Variants in HMCN1 observed in about 807,000 individuals in gnomAD.
HMCN1 encodes hemicentin 1.
Under a neutral mutation model 625.9 loss-of-function variants are expected in HMCN1, and 321 were observed. That is an observed-to-expected ratio of 0.51 (90% CI 0.47 to 0.56). The LOEUF (loss-of-function observed/expected upper bound fraction) is 0.56, where lower values mean the gene tolerates loss of function less well. Ranked by LOEUF, HMCN1 falls within the 20% of genes least tolerant of loss-of-function variation. HMCN1 has a pLI of 0.00. For synonymous variants in HMCN1, 2,425 were observed against 2,417.6 expected, an observed-to-expected ratio of 1.00 and a Z score of -0.09; for missense variants, 6,588 against 6,887.3, an observed-to-expected ratio of 0.96 and a Z score of 1.54.
chr1:185,909,169 A>C (rs16824729), intron 4 of HMCN1, among the ~76,000 whole-genome samples, 168 bp from the exon 5 acceptor site: 1 of 152,166 alleles, frequency 6.6e-6, no homozygotes, highest in South Asian at 2.1e-4. Flanking sequence ...TTGAATGTAC[A>C]CTAACCAGAA....
At chr1:185,811,956 A>G (rs1371298542) in intron 1 of HMCN1, among the ~76,000 whole-genome samples, 2 of 152,210 alleles carry the variant, frequency 1.3e-5, no homozygotes, top group African/African-American at 2.4e-5. Context: ...TTATGATGTT[A>G]TAGAAAACTG....
At chr1:186,130,416 T>G (rs1661869288) in intron 84 of HMCN1, 91 bp from the exon 85 acceptor site, 2 of 1,336,286 alleles carry the variant, frequency 1.5e-6, no homozygotes, top group South Asian at 2.4e-5. Context: ...ACTCCCCTCT[T>G]TACTAAATTA....
intron 68 of HMCN1, among the ~76,000 whole-genome samples, chr1:186,095,761 T>C (rs570930294): frequency 2.9e-4 from 44 of 152,302 alleles, no homozygotes; most frequent in African/African-American, 1.0e-3. Flanking sequence ...ACATTACTCA[T>C]TGATAAAACC....
chr1:185,820,284 A>G (rs76632730), intron 1 of HMCN1, among the ~76,000 whole-genome samples: 4,157 of 152,242 alleles, frequency 0.027, 168 homozygotes, highest in African/African-American at 0.09. Flanking sequence ...GGACCACTTC[A>G]CTGAAGGATA....
At chr1:186,076,298 G>A in intron 53 of HMCN1, 130 bp from the exon 54 acceptor site, 1 of 908,932 alleles carries the variant, frequency 1.1e-6, no homozygotes, top group Admixed American at 2.0e-5. Flanking sequence ...GTTGGTGGTG[G>A]CGTCAGTACT....
chr1:186,163,332 C>G (rs1046783721), intron 97 of HMCN1, among the ~76,000 whole-genome samples: 6 of 152,208 alleles, frequency 3.9e-5, no homozygotes, highest in Non-Finnish European at 5.9e-5. Flanking sequence ...TGACTAGGAA[C>G]GGGAACTCCC....
chr1:185,809,488 T>C (rs1283920351), intron 1 of HMCN1, among the ~76,000 whole-genome samples: 2 of 151,700 alleles, frequency 1.3e-5, no homozygotes, highest in Non-Finnish European at 2.9e-5. Context: ...TACATATATA[T>C]ATCACTAGAA....
At position 185,736,977 on chromosome 1, in the gene HMCN1, C is replaced by G. The variant is rs74133273; in HGVS notation, c.268+1930C>G. On this transcript the variant is annotated intron_variant, in intron 1 of 106. Coordinates refer to ENST00000271588, the MANE Select transcript of HMCN1 (RefSeq NM_031935.3). ...AGAAGTGGCCAAATATTCATGTTAT[C>G]TAAAGCTATTTAAAATATTTTTGAA... Among the ~76,000 whole-genome samples, 1,340 of 152,134 alleles carry G rather than the reference C, an allele frequency of 8.8e-3. 19 individuals are homozygous for G. Among genetic ancestry groups the G allele is most frequent in the African/African-American group, 0.029 (1,206 of 41,484 alleles).
chr1:186,061,715 G>A (rs1187060604), intron 46 of HMCN1, 136 bp from the exon 47 acceptor site: 1 of 489,768 alleles, frequency 2.0e-6, no homozygotes, highest in African/African-American at 1.9e-5. Context: ...TTTTAAAAAA[G>A]CTTAACATAA....
intron 34 of HMCN1, among the ~76,000 whole-genome samples, chr1:186,018,817 A>T (rs1571724875): frequency 2.0e-5 from 3 of 152,154 alleles, no homozygotes; most frequent in African/African-American, 7.2e-5. Context: ...GAGGGACATA[A>T]GTACATTCAC....
chr1:186,132,894 T>C (rs1399655299), intron 86 of HMCN1, among the ~76,000 whole-genome samples: 1 of 152,080 alleles, frequency 6.6e-6, no homozygotes, highest in African/African-American at 2.4e-5. Context: ...ATGCGGTGTT[T>C]GGGTTTTCCT....
chr1:186,001,825 GAA>G (rs1653223366), intron 28 of HMCN1, 84 bp downstream of exon 28: 1 of 1,136,112 alleles, frequency 8.8e-7, no homozygotes, highest in East Asian at 2.5e-5. Context: ...AAAGTAAAGA[GAA>G]AAAGATAAAT....
intron 11 of HMCN1, among the ~76,000 whole-genome samples, chr1:185,946,821 G>C (rs1360987746): frequency 2.0e-5 from 3 of 152,104 alleles, no homozygotes; most frequent in Non-Finnish European, 4.4e-5. Flanking sequence ...ACTGAAAATG[G>C]ATAATAAGGA....
intron 1 of HMCN1, among the ~76,000 whole-genome samples, chr1:185,755,116 C>G (rs941788809): frequency 6.6e-6 from 1 of 152,048 alleles, no homozygotes; most frequent in Admixed American, 6.5e-5. Context: ...ATCCATATTT[C>G]TAATTATTTT....
intron 4 of HMCN1, among the ~76,000 whole-genome samples, chr1:185,907,486 T>G (rs1666162037): frequency 1.3e-5 from 2 of 151,940 alleles, no homozygotes; most frequent in Non-Finnish European, 2.9e-5. Flanking sequence ...AGCCTCATCT[T>G]CTTCTTTTTT....
At position 186,037,979 on chromosome 1, in the gene HMCN1, T is replaced by C. The variant is rs1655946551; in HGVS notation, c.5795T>C (p.Val1932Ala). 3 of 1,613,552 alleles carry C rather than the reference T, an allele frequency of 1.9e-6. No individual in the cohort carries two copies. The highest frequency in any genetic ancestry group is 2.2e-5 in the East Asian group (1 of 44,794). ...EDAGKMLNET[V>A]LVSNPVQLEC... ...GCTGGAAAAATGCTGAATGAGACTG[T>C]GTTGGTGAGCAACCCTGTACAGCTG... is the stretch of plus-strand genomic sequence containing the variant. The change falls in exon 37 of 107, where the codon GTG becomes GCG. Residue 1932 changes from valine to alanine, a missense_variant. Physicochemically the swap from Val to Ala is moderately conservative, Grantham distance 64. Coordinates refer to ENST00000271588, the MANE Select transcript of HMCN1 (RefSeq NM_031935.3).
At chr1:186,038,729 A>T in intron 37 of HMCN1, 100 bp from the exon 38 acceptor site, 4 of 734,870 alleles carry the variant, frequency 5.4e-6, no homozygotes, top group Non-Finnish European at 9.8e-6. Context: ...TCAAATAATA[A>T]GTATAAGAAT....
intron 1 of HMCN1, among the ~76,000 whole-genome samples, chr1:185,791,721 AAAAT>A (rs1658012965): frequency 6.7e-6 from 1 of 148,624 alleles, no homozygotes; most frequent in African/African-American, 2.6e-5. Context: ...CTCCATCTCA[AAAAT>A]AAACAAACAA....
chr1:185,790,018 C>T (rs1456891915), intron 1 of HMCN1, among the ~76,000 whole-genome samples: 2 of 152,200 alleles, frequency 1.3e-5, no homozygotes, highest in African/African-American at 4.8e-5. Context: ...AGACACTCTC[C>T]TTCAATCAGT....
Sources: gnomAD v4.1 joint callset for allele counts (sites outside exome capture counted in the v4.1 genomes callset) on GRCh38, gnomAD v4.1.1 for gene constraint, MANE v1.5 for transcripts, NCBI Gene and HGNC (gene_info 2026-07-23, HGNC 2026-07-21) for gene names.